Variants in DMD observed in about 807,000 individuals in gnomAD.
DMD encodes the protein mutant dystrophin.
A neutral mutation model predicts 330.1 loss-of-function variants in DMD; 63 were observed. The ratio of observed to expected loss-of-function variants is 0.19; its 90% CI spans 0.16 to 0.24. The LOEUF is 0.24. Among genes scored for constraint, DMD ranks in the 10% least tolerant of loss-of-function variants. The pLI is 1.00. For missense variants in DMD, 3,344 were observed against 2,684.1 expected (o/e 1.25, Z -5.43); for synonymous variants, 1,223 against 959.8 (o/e 1.27, Z -5.07).
chrX:32,716,684 A>C, intron 7 of DMD, among the ~76,000 whole-genome samples: 1 of 111,185 alleles, frequency 9.0e-6, no homozygotes, highest in East Asian at 2.9e-4. Context: ...GATGAGGGAA[A>C]GTTTGTAACT....
At chrX:32,738,673 T>C (rs184794809) in intron 7 of DMD, among the ~76,000 whole-genome samples, 1 of 111,840 alleles carries the variant, frequency 8.9e-6, no homozygotes, top group Non-Finnish European at 1.9e-5. Flanking sequence ...GAAAACTTCT[T>C]CTACATGTTC....
intron 44 of DMD, among the ~76,000 whole-genome samples, chrX:31,990,663 G>A (rs772050318): frequency 1.8e-5 from 2 of 111,771 alleles, no homozygotes; most frequent in Admixed American, 9.5e-5. Flanking sequence ...AATTTCATGC[G>A]GTACAGTTTT....
At chrX:32,721,885 C>A (rs1231367452) in intron 7 of DMD, among the ~76,000 whole-genome samples, 2 of 108,066 alleles carry the variant, frequency 1.9e-5, no homozygotes, top group Non-Finnish European at 3.8e-5. Flanking sequence ...GACAAGGGTA[C>A]AATTTACAAC....
chrX:33,173,463 C>T (rs1046324543), intron 1 of DMD, among the ~76,000 whole-genome samples: 1 of 111,321 alleles, frequency 9.0e-6, no homozygotes, highest in East Asian at 2.8e-4. Context: ...CAAAAACATA[C>T]TCAGATTCAA....
intron 1 of DMD, among the ~76,000 whole-genome samples, chrX:33,171,161 G>A (rs375849625): frequency 1.8e-3 from 127 of 69,040 alleles, no homozygotes; most frequent in African/African-American, 6.8e-3. Flanking sequence ...GCAATTTGGG[G>A]AAAAAACAGA....
chrX:31,395,618 A>G (rs1317604966), intron 60 of DMD, among the ~76,000 whole-genome samples: 1 of 112,287 alleles, frequency 8.9e-6, no homozygotes, highest in African/African-American at 3.2e-5. Context: ...TAAAAATGAT[A>G]AGACTCAGAT....
At position 32,698,058 on chromosome X, in the gene DMD, G is replaced by C. The variant is rs773906897; in HGVS notation, c.832-60C>G. On this transcript the variant is annotated intron_variant, in intron 8 of 78. Transcript: ENST00000357033. ...GAGGGGGAAAAACCATAAGTAACCCGAAAGGACTACTTTCCAACATGGTAG... is the reference window on the plus strand; with the variant it reads ...GAGGGGGAAAAACCATAAGTAACCCCAAAGGACTACTTTCCAACATGGTAG... 5.5e-6 allele frequency: 6 copies of C among 1,100,639 alleles called. No homozygotes were observed. In the African/African-American group the frequency reaches 9.3e-5, roughly 17 times the overall value. The allele number at this position is 1,100,639 out of a possible 1,213,427, so 90.7% of individuals were successfully genotyped here.
intron 4 of DMD, among the ~76,000 whole-genome samples, chrX:32,829,061 AT>A (rs2078971577): frequency 8.9e-6 from 1 of 111,789 alleles, no homozygotes; most frequent in Admixed American, 9.5e-5. Context: ...TATATTTCTT[AT>A]AATTCAACAA....
At chrX:32,701,480 T>C (rs2064126657) in intron 7 of DMD, among the ~76,000 whole-genome samples, 1 of 111,826 alleles carries the variant, frequency 8.9e-6, no homozygotes, top group Non-Finnish European at 1.9e-5. Context: ...TTCTGAAGCC[T>C]AGAAATCTCC....
chrX:32,378,557 T>C (rs1266330201), intron 34 of DMD, among the ~76,000 whole-genome samples: 1 of 110,798 alleles, frequency 9.0e-6, no homozygotes, highest in African/African-American at 3.3e-5. Context: ...ATTTGAATAT[T>C]TGAAACTAGA....
At chrX:31,198,743 T>A (rs1245481335) in intron 67 of DMD, among the ~76,000 whole-genome samples, 1 of 111,911 alleles carries the variant, frequency 8.9e-6, no homozygotes, top group Non-Finnish European at 1.9e-5. Flanking sequence ...ACCACCATAG[T>A]ATATATGGCC....
At chrX:31,339,230 A>G (rs1224454634) in intron 61 of DMD, among the ~76,000 whole-genome samples, 1 of 111,953 alleles carries the variant, frequency 8.9e-6, no homozygotes, top group Admixed American at 9.5e-5. Context: ...GATACTGTAA[A>G]GCAAATAAAT....
At chrX:33,034,155 T>TA (rs766721976) in intron 1 of DMD, among the ~76,000 whole-genome samples, 1 of 111,449 alleles carries the variant, frequency 9.0e-6, no homozygotes, top group African/African-American at 3.3e-5. Context: ...TATATTCTGA[T>TA]ATGAATATAA....
chrX:32,511,368 A>G (rs781640259), intron 18 of DMD, among the ~76,000 whole-genome samples: 10 of 108,117 alleles, frequency 9.2e-5, no homozygotes, highest in African/African-American at 3.4e-4. Context: ...TAAAAATACA[A>G]AAAATTAGCT....
At chrX:31,161,954 C>G (rs2038863143) in intron 74 of DMD, among the ~76,000 whole-genome samples, 1 of 110,826 alleles carries the variant, frequency 9.0e-6, no homozygotes, top group African/African-American at 3.3e-5. Flanking sequence ...GTCTGGAAAA[C>G]TCATCCTTCC....
intron 3 of DMD, among the ~76,000 whole-genome samples, chrX:32,849,186 C>T (rs927244784): frequency 9.0e-6 from 1 of 111,613 alleles, no homozygotes; most frequent in Non-Finnish European, 1.9e-5. Context: ...TCTTTCCCCC[C>T]CCAGTGTAAG....
chrX:33,057,350 T>C (rs761405306), intron 1 of DMD, among the ~76,000 whole-genome samples: 1 of 112,369 alleles, frequency 8.9e-6, no homozygotes, highest in African/African-American at 3.2e-5. Flanking sequence ...TATCCGATAC[T>C]GTTTAAAAGA....
rs3044988 is a variant in DMD at position 32,388,341 on chromosome X, C to CTTTTTTTTTTTTTTTTTTT, written c.4518+1159_4518+1160insAAAAAAAAAAAAAAAAAAA. ...AGGCACTTGGGTCATTTATGCTTTC[C>CTTTTTTTTTTTTTTTTTTT]TTTTTTTTTTTTTTGGCAAAATTTA... On this transcript the variant is annotated intron_variant, in intron 32 of 78. Transcript: ENST00000357033. Among the ~76,000 whole-genome samples the CTTTTTTTTTTTTTTTTTTT allele has an allele frequency of 4.1e-4, 32 of 78,536 alleles. 3 individuals are homozygous for CTTTTTTTTTTTTTTTTTTT. Among genetic ancestry groups the CTTTTTTTTTTTTTTTTTTT allele is most frequent in the African/African-American group, 1.7e-3 (29 of 17,537 alleles). 68.2% of individuals were successfully genotyped at this position (78,536 alleles called of 115,157 possible).
At chrX:32,794,303 G>A (rs1480566933) in intron 7 of DMD, among the ~76,000 whole-genome samples, 3 of 112,167 alleles carry the variant, frequency 2.7e-5, no homozygotes, top group African/African-American at 9.7e-5. Context: ...CTATAAAACT[G>A]GAATGGTCAG....
Sources: gnomAD v4.1 joint callset for allele counts (sites outside exome capture counted in the v4.1 genomes callset) on GRCh38, gnomAD v4.1.1 for gene constraint, MANE v1.5 for transcripts, NCBI Gene and HGNC (gene_info 2026-07-23, HGNC 2026-07-21) for gene names.